The following ST3GAL4 variants were observed in gnomAD, a reference collection of about 807,000 sequenced individuals.
ST3GAL4 encodes the protein ST3 beta-galactoside alpha-2,3-sialyltransferase 4.
A neutral mutation model predicts 42.6 loss-of-function variants in ST3GAL4; 24 were observed. The ratio of observed to expected loss-of-function variants is 0.56; its 90% CI spans 0.41 to 0.79. The LOEUF (loss-of-function observed/expected upper bound fraction) is 0.79. Among genes scored for constraint, ST3GAL4 ranks in the 30% least tolerant of loss-of-function variants. ST3GAL4 has a pLI of 0.00. For synonymous variants in ST3GAL4, 135 were observed against 163.2 expected, an observed-to-expected ratio of 0.83 and a Z score of 1.32; for missense variants, 311 against 430.8, an observed-to-expected ratio of 0.72 and a Z score of 2.46.
chr11:126,412,161 TG>T (rs1322659535), intron 9 of ST3GAL4, among the ~76,000 whole-genome samples: 3 of 152,150 alleles, frequency 2.0e-5, no homozygotes, highest in Admixed American at 1.3e-4. Context: ...AGGAGGAATT[TG>T]GTGAGTGTAA....
At chr11:126,361,717 G>A (rs920993069) in intron 1 of ST3GAL4, among the ~76,000 whole-genome samples, 1 of 152,064 alleles carries the variant, frequency 6.6e-6, no homozygotes, top group African/African-American at 2.4e-5. Context: ...TGAACCAAAG[G>A]TAGGTGGTTC....
chr11:126,385,316 C>A (rs1953184485), intron 1 of ST3GAL4, among the ~76,000 whole-genome samples: 1 of 151,910 alleles, frequency 6.6e-6, no homozygotes, highest in African/African-American at 2.4e-5. Context: ...CCACACCCGG[C>A]TAATTTTTTT....
intron 1 of ST3GAL4, among the ~76,000 whole-genome samples, chr11:126,390,693 A>G (rs1325569334): frequency 1.4e-5 from 2 of 138,270 alleles, no homozygotes; most frequent in Non-Finnish European, 3.1e-5. Context: ...ACGAGGTTGT[A>G]TTTACCATCT....
Position 126,386,144 on chromosome 11 carries a change from G to C in ST3GAL4, c.-60-19952G>C, listed in dbSNP as rs1228915039. Among the ~76,000 whole-genome samples the C allele has an allele frequency of 2.0e-5, 3 of 152,082 alleles. No individual in the cohort carries two copies. The highest frequency in any genetic ancestry group is 7.2e-5 in the African/African-American group (3 of 41,392). On this transcript the variant is annotated intron_variant, in intron 1 of 10. Transcript: ENST00000444328. This position sits in a 1 kb window ranked among gnomAD's most constrained non-coding sequence, Gnocchi z 4.7. ...CATGTAGGCCTCCGGTTTATAGCCG[G>C]CTCCTCAGAGACATGGTTCTATCCC...
At position 126,408,504 on chromosome 11, in the gene ST3GAL4, G is replaced by C; in HGVS notation, c.627+8G>C. The C allele has an allele frequency of 6.2e-7, 1 of 1,613,836 alleles. No homozygotes were observed. The highest frequency in any genetic ancestry group is 1.1e-5 in the South Asian group (1 of 91,084). ...CTGAGTGATAAGAAGCGGGTAAGTT[G>C]GGGGACAGACTGGGGGCTGAGGCCT... On this transcript the variant is annotated splice_region_variant and intron_variant, in intron 8 of 10. Coordinates refer to ENST00000444328, the MANE Select transcript of ST3GAL4 (RefSeq NM_001254757.2).
At chr11:126,403,569 G>A (rs1282330703) in intron 1 of ST3GAL4, 3 of 446,268 alleles carry the variant, frequency 6.7e-6, no homozygotes, top group African/African-American at 6.5e-5. Context: ...TCGGAGAGTG[G>A]GGCCTAGACT....
In ST3GAL4 at chr11:126,391,562, A is replaced by T. The variant is rs539224248; in HGVS notation, c.-60-14534A>T. ...CCACTTCTCCTACCTAACCCCAAGA[A>T]TGAGTCCTTGAGTCTGTCTCAGTAG... is the stretch of plus-strand genomic sequence containing the variant. On this transcript the variant is annotated intron_variant, in intron 1 of 10. Transcript: ENST00000444328. This position sits in a 1 kb window ranked among gnomAD's most constrained non-coding sequence, Gnocchi z 5.5. 6.6e-6 allele frequency among the ~76,000 whole-genome samples: 1 copy of T among 152,144 alleles called. No individual in the cohort carries two copies. Among genetic ancestry groups the T allele is most frequent in the African/African-American group, 2.4e-5 (1 of 41,438 alleles).
intron 1 of ST3GAL4, among the ~76,000 whole-genome samples, chr11:126,371,147 A>G (rs1952624500): frequency 2.4e-5 from 2 of 83,972 alleles, no homozygotes; most frequent in Admixed American, 2.4e-4. Flanking sequence ...GATCTATTCT[A>G]TTCTTCCCCA....
Position 126,406,111 on chromosome 11 carries a change from C to T in ST3GAL4, c.-45C>T, listed in dbSNP as rs190884962. The stretch of plus-strand genomic sequence containing the variant: ...TATTTCCTAGGTGGCCCGAGGCAGC[C>T]GGGATGACAGCTCTCCCCAGGAATC... On this transcript the variant is annotated 5_prime_UTR_variant, in exon 2 of 11. Coordinates refer to ENST00000444328, the MANE Select transcript of ST3GAL4 (RefSeq NM_001254757.2). This position sits in a 1 kb window ranked among gnomAD's most constrained non-coding sequence, Gnocchi z 5.4. The T allele has an allele frequency of 6.8e-3, 10,552 of 1,551,872 alleles. 33 individuals carry two copies. Among genetic ancestry groups the T allele is most frequent in the Non-Finnish European group, 8.2e-3 (9,379 of 1,147,088 alleles).
In ST3GAL4 at chr11:126,363,737, C is replaced by T. The variant is rs1432440195; in HGVS notation, c.-61+7895C>T. Among the ~76,000 whole-genome samples, 1 of 152,198 alleles carries T rather than the reference C, an allele frequency of 6.6e-6. No individual in the cohort carries two copies. Among genetic ancestry groups the T allele is most frequent in the Non-Finnish European group, 1.5e-5 (1 of 68,028 alleles). Reference sequence around the variant, plus strand: ...CCTGGGACCTGAACCCTCCACCCTCCTCTCTCTTGAGCTCTTTCTCCCAGG... The same window carrying T: ...CCTGGGACCTGAACCCTCCACCCTCTTCTCTCTTGAGCTCTTTCTCCCAGG... On this transcript the variant is annotated intron_variant, in intron 1 of 10. Transcript: ENST00000444328. This position sits in a 1 kb window ranked among gnomAD's most constrained non-coding sequence, Gnocchi z 4.6.
chr11:126,405,125 G>C (rs1396033421), intron 1 of ST3GAL4, among the ~76,000 whole-genome samples: 2 of 152,240 alleles, frequency 1.3e-5, no homozygotes, highest in African/African-American at 2.4e-5. Flanking sequence ...TGTATTTTTA[G>C]GAAGTGGTCC....
Position 126,409,068 on chromosome 11 carries a change from C to CCTTTCCTCCTCT in ST3GAL4, c.628-193_628-182dup, listed in dbSNP as rs1173750014. On this transcript the variant is annotated intron_variant, in intron 8 of 10. Transcript: ENST00000444328. The surrounding 1 kb of genome is among the most constrained non-coding windows in gnomAD (Gnocchi z 4.9). ...GGTCACCTGGCCTCCCGAGGGGGTG[C>CCTTTCCTCCTCT]CTTTCCTCCTCTCTTTCCCTGGTCC... 4.6e-5 allele frequency among the ~76,000 whole-genome samples: 7 copies of CCTTTCCTCCTCT among 152,164 alleles called. No homozygotes were observed. Among genetic ancestry groups the CCTTTCCTCCTCT allele is most frequent in the African/African-American group, 1.7e-4 (7 of 41,430 alleles).
At position 126,373,232 on chromosome 11, in the gene ST3GAL4, G is replaced by A. The variant is rs1952719914; in HGVS notation, c.-61+17390G>A. The stretch of plus-strand genomic sequence containing the variant: ...TCAGGAACTTGGGTGCTGATTCTAG[G>A]AGGTACTGCATCTAGAAAGATGGGA... On this transcript the variant is annotated intron_variant, in intron 1 of 10. Coordinates refer to ENST00000444328, the MANE Select transcript of ST3GAL4 (RefSeq NM_001254757.2). This position sits in a 1 kb window ranked among gnomAD's most constrained non-coding sequence, Gnocchi z 5.5. 6.6e-6 allele frequency among the ~76,000 whole-genome samples: 1 copy of A among 152,168 alleles called. No individual in the cohort carries two copies. The highest frequency in any genetic ancestry group is 1.5e-5 in the Non-Finnish European group (1 of 68,034).
intron 1 of ST3GAL4, chr11:126,403,239 ACG>A (rs1453258512): frequency 8.2e-6 from 3 of 363,776 alleles, no homozygotes; most frequent in African/African-American, 6.7e-5. Flanking sequence ...CGCAACACTG[ACG>A]CTGTTTTGGA....
chr11:126,380,015 A>ACAG (rs1262893975), intron 1 of ST3GAL4, among the ~76,000 whole-genome samples: 1 of 152,040 alleles, frequency 6.6e-6, no homozygotes, highest in Non-Finnish European at 1.5e-5. Context: ...TAATGGTAGC[A>ACAG]CTTTGGGAAG....
chr11:126,387,942 G>A (rs567630854), intron 1 of ST3GAL4, among the ~76,000 whole-genome samples: 73 of 152,328 alleles, frequency 4.8e-4, no homozygotes, highest in South Asian at 3.9e-3. Context: ...GAGATTAGAC[G>A]ATACCAGCAC....
intron 1 of ST3GAL4, among the ~76,000 whole-genome samples, chr11:126,382,563 C>T (rs1202970799): frequency 6.6e-6 from 1 of 151,976 alleles, no homozygotes; most frequent in African/African-American, 2.4e-5. Context: ...GAGGCGCTGG[C>T]CAGGACCTTA....
intron 1 of ST3GAL4, among the ~76,000 whole-genome samples, chr11:126,388,655 T>G (rs909651973): frequency 7.9e-6 from 1 of 126,790 alleles, no homozygotes; most frequent in Non-Finnish European, 1.6e-5. Flanking sequence ...TAAATTAGGT[T>G]TCTTGTTTTT....
rs150678340 is a variant in ST3GAL4, at chr11:126,393,911, C to T, written c.-60-12185C>T. Among the ~76,000 whole-genome samples the T allele has an allele frequency of 5.3e-4, 80 of 152,230 alleles. No individual in the cohort carries two copies. Among genetic ancestry groups the T allele is most frequent in the Non-Finnish European group, 9.0e-4 (61 of 68,042 alleles). ...TCTTGGCATTTCAACATGGGATGAG[C>T]ATAAAATAATGAAGGTGATATTTTA... is the stretch of plus-strand genomic sequence containing the variant. On this transcript the variant is annotated intron_variant, in intron 1 of 10. Coordinates refer to ENST00000444328, the MANE Select transcript of ST3GAL4 (RefSeq NM_001254757.2). This position sits in a 1 kb window ranked among gnomAD's most constrained non-coding sequence, Gnocchi z 5.9.
Sources: allele counts gnomAD v4.1 joint callset (sites outside exome capture counted in the v4.1 genomes callset), GRCh38; gene constraint gnomAD v4.1.1; non-coding constraint Gnocchi (gnomAD v3.1); transcripts MANE v1.5; gene names NCBI Gene and HGNC (gene_info 2026-07-23, HGNC 2026-07-21).